Variants in CAMK2D observed in about 807,000 individuals in gnomAD.
CAMK2D encodes calcium/calmodulin dependent protein kinase II delta.
Under a neutral mutation model 84.0 loss-of-function variants are expected in CAMK2D, and 37 were observed. That is an observed-to-expected ratio of 0.44 (90% CI 0.34 to 0.58). CAMK2D has a LOEUF of 0.58. Among genes scored for constraint, CAMK2D ranks in the 20% least tolerant of loss-of-function variants. The pLI, the probability that CAMK2D is intolerant of heterozygous loss-of-function variation, is 0.02. For missense variants in CAMK2D, 448 were observed against 652.5 expected (o/e 0.69, Z 3.41); for synonymous variants, 202 against 212.5 (o/e 0.95, Z 0.43).
chr4:113,494,851 T>A (rs2097906031), intron 16 of CAMK2D, among the ~76,000 whole-genome samples: 1 of 152,132 alleles, frequency 6.6e-6, no homozygotes, highest in African/African-American at 2.4e-5. Flanking sequence ...GGTGCGCCGT[T>A]TTTTAAGCCC....
intron 4 of CAMK2D, among the ~76,000 whole-genome samples, chr4:113,594,902 T>C (rs947974423): frequency 1.3e-5 from 2 of 152,150 alleles, no homozygotes; most frequent in East Asian, 1.9e-4. Context: ...CAATAATGAC[T>C]GATAACTTCC....
intron 2 of CAMK2D, among the ~76,000 whole-genome samples, chr4:113,756,783 T>C (rs919633379): frequency 3.3e-5 from 5 of 152,112 alleles, no homozygotes; most frequent in African/African-American, 1.2e-4. Flanking sequence ...TTCTGTGGAA[T>C]GTTGTATCAA....
At chr4:113,583,937 C>A (rs1036722473) in intron 4 of CAMK2D, among the ~76,000 whole-genome samples, 1 of 152,180 alleles carries the variant, frequency 6.6e-6, no homozygotes. Flanking sequence ...CCATGTACTG[C>A]AGCCTTTAGT....
chr4:113,599,789 G>A (rs775598311), intron 4 of CAMK2D, among the ~76,000 whole-genome samples: 36 of 152,048 alleles, frequency 2.4e-4, no homozygotes, highest in Non-Finnish European at 4.7e-4. Flanking sequence ...AAAATCCTAA[G>A]GAAGAGATAA....
chr4:113,519,993 TCTAA>T (rs2098335558), intron 8 of CAMK2D, among the ~76,000 whole-genome samples: 1 of 152,224 alleles, frequency 6.6e-6, no homozygotes. Context: ...CTTTGTGTTG[TCTAA>T]CTGAGAGACC....
chr4:113,459,306 T>A (rs1178032932), intron 18 of CAMK2D, among the ~76,000 whole-genome samples: 1 of 152,052 alleles, frequency 6.6e-6, no homozygotes, highest in Non-Finnish European at 1.5e-5. Flanking sequence ...GCAGCCTCAA[T>A]CTCCTGGGCT....
Position 113,528,208 on chromosome 4 carries a change from T to C in CAMK2D, c.601+3008A>G, listed in dbSNP as rs1039169416. Among the ~76,000 whole-genome samples, 10 of 152,286 alleles carry C rather than the reference T, an allele frequency of 6.6e-5. 1 individual carries two copies. The highest frequency in any genetic ancestry group is 2.4e-4 in the African/African-American group (10 of 41,556). ...TGCATATATCAGTTATCTAGAAACT[T>C]CATTTATAAATAAAGACTTTGTATA... On this transcript the variant is annotated intron_variant, in intron 8 of 20. Coordinates refer to ENST00000511664, the MANE Select transcript of CAMK2D (RefSeq NM_001321571.2).
chr4:113,526,207 C>A (rs2098416162), intron 8 of CAMK2D, among the ~76,000 whole-genome samples: 2 of 152,132 alleles, frequency 1.3e-5, no homozygotes, highest in Non-Finnish European at 2.9e-5. Flanking sequence ...CATTTCTAGA[C>A]AAAGCGTCCA....
chr4:113,740,622 C>T (rs547794938), intron 2 of CAMK2D, among the ~76,000 whole-genome samples: 2 of 152,188 alleles, frequency 1.3e-5, no homozygotes, highest in South Asian at 4.1e-4. Flanking sequence ...ACAGTGCCAC[C>T]ATTAGATAGT....
chr4:113,505,712 A>G (rs1006093965), intron 13 of CAMK2D, among the ~76,000 whole-genome samples: 1 of 152,214 alleles, frequency 6.6e-6, no homozygotes, highest in Non-Finnish European at 1.5e-5. Context: ...TGCTACTGCT[A>G]TCACTGCAGA....
intron 4 of CAMK2D, among the ~76,000 whole-genome samples, chr4:113,584,323 C>A (rs1432602194): frequency 6.6e-6 from 1 of 152,114 alleles, no homozygotes; most frequent in Non-Finnish European, 1.5e-5. Flanking sequence ...TTAAGTGAGT[C>A]CAAACGGTTT....
At chr4:113,720,366 TCACACA>T (rs70961845) in intron 2 of CAMK2D, among the ~76,000 whole-genome samples, 5 of 148,554 alleles carry the variant, frequency 3.4e-5, no homozygotes, top group East Asian at 2.0e-4. Flanking sequence ...AATCACATTC[TCACACA>T]CACACACACA....
chr4:113,553,509 A>C (rs1485206445), intron 4 of CAMK2D, among the ~76,000 whole-genome samples: 1 of 152,262 alleles, frequency 6.6e-6, no homozygotes. Flanking sequence ...CATGTTTTAG[A>C]GATCACCAGT....
At chr4:113,736,812 A>T (rs78781045) in intron 2 of CAMK2D, among the ~76,000 whole-genome samples, 10,864 of 152,214 alleles carry the variant, frequency 0.071, 565 homozygotes, top group Admixed American at 0.13. Flanking sequence ...AAAAGGCAAA[A>T]ATATCCCTCT....
At chr4:113,584,738 C>G (rs1357611419) in intron 4 of CAMK2D, among the ~76,000 whole-genome samples, 1 of 151,932 alleles carries the variant, frequency 6.6e-6, no homozygotes, top group Non-Finnish European at 1.5e-5. Context: ...TGGGGCAGAC[C>G]CAGCAGGCTA....
At chr4:113,683,707 C>G (rs2099352000) in intron 2 of CAMK2D, among the ~76,000 whole-genome samples, 2 of 152,238 alleles carry the variant, frequency 1.3e-5, no homozygotes, top group South Asian at 4.1e-4. Context: ...GTTTGGAGAA[C>G]AGCAATAGTT....
chr4:113,689,104 G>A (rs993736129), intron 2 of CAMK2D, among the ~76,000 whole-genome samples: 7 of 151,908 alleles, frequency 4.6e-5, no homozygotes, highest in African/African-American at 1.7e-4. Flanking sequence ...AAACTAGCCG[G>A]GCATGGTGGC....
intron 4 of CAMK2D, among the ~76,000 whole-genome samples, chr4:113,583,228 C>T (rs2098818826): frequency 9.4e-6 from 1 of 105,876 alleles, no homozygotes; most frequent in African/African-American, 3.5e-5. Context: ...TTAGCAAATA[C>T]CCTTCATAGG....
At position 113,498,039 on chromosome 4, in the gene CAMK2D, T is replaced by G. The variant is rs1317923483; in HGVS notation, c.1135+2424A>C. Among the ~76,000 whole-genome samples the G allele has an allele frequency of 5.3e-5, 8 of 152,226 alleles. No homozygotes were observed. In the East Asian group the frequency reaches 1.5e-3, roughly 29 times the overall value. On this transcript the variant is annotated intron_variant, in intron 16 of 20. Coordinates refer to ENST00000511664, the MANE Select transcript of CAMK2D (RefSeq NM_001321571.2). The stretch of plus-strand genomic sequence containing the variant: ...AGATGGGATACAGTTTTGGTCAGAT[T>G]ATTTAACTGATAGTAATTGTGAGTT...
Sources: gnomAD v4.1 joint callset for allele counts (sites outside exome capture counted in the v4.1 genomes callset) on GRCh38, gnomAD v4.1.1 for gene constraint, MANE v1.5 for transcripts, NCBI Gene and HGNC (gene_info 2026-07-23, HGNC 2026-07-21) for gene names.